The following U2SURP variants were observed in gnomAD, a reference collection of about 807,000 sequenced individuals.
U2SURP encodes the protein U2 snRNP associated SURP domain containing.
A neutral mutation model predicts 144.9 loss-of-function variants in U2SURP; 9 were observed. The ratio of observed to expected loss-of-function variants is 0.06; its 90% CI spans 0.04 to 0.11. The LOEUF (loss-of-function observed/expected upper bound fraction) is 0.11. U2SURP is among the 10% of genes least tolerant of loss of function. U2SURP has a pLI of 1.00. For missense variants in U2SURP, 724 were observed against 1,226.7 expected (o/e 0.59, Z 6.12); for synonymous variants, 408 against 396.8 (o/e 1.03, Z -0.33).
intron 2 of U2SURP, chr3:143,011,865 C>A (rs1401266339): frequency 4.6e-6 from 2 of 436,814 alleles, no homozygotes; most frequent in Non-Finnish European, 9.1e-6. Context: ...ATGAAACTAG[C>A]TGCTTTTTTC....
At chr3:143,021,991 T>C (rs540445769) in intron 10 of U2SURP, among the ~76,000 whole-genome samples, 1 of 152,334 alleles carries the variant, frequency 6.6e-6, no homozygotes, top group Admixed American at 6.5e-5. Context: ...GTATATAATA[T>C]GCTATTATTA....
At chr3:143,003,872 A>T (rs369079600) in intron 1 of U2SURP, among the ~76,000 whole-genome samples, 32 of 151,602 alleles carry the variant, frequency 2.1e-4, no homozygotes, top group African/African-American at 7.7e-4. Flanking sequence ...TTTGTATTTT[A>T]GTAGAGACGG....
chr3:143,008,620 C>G (rs928109553), intron 1 of U2SURP, among the ~76,000 whole-genome samples: 42 of 152,148 alleles, frequency 2.8e-4, no homozygotes, highest in African/African-American at 9.9e-4. Flanking sequence ...GGATTTTTCT[C>G]GAAGTTTTTG....
intron 1 of U2SURP, among the ~76,000 whole-genome samples, chr3:143,006,123 G>A (rs1184588508): frequency 6.6e-6 from 1 of 152,112 alleles, no homozygotes; most frequent in African/African-American, 2.4e-5. Flanking sequence ...TAAACTATAG[G>A]TTATTCAGAG....
chr3:143,010,049 T>C (rs1936043019), intron 1 of U2SURP, among the ~76,000 whole-genome samples: 1 of 152,214 alleles, frequency 6.6e-6, no homozygotes, highest in African/African-American at 2.4e-5. Flanking sequence ...AAGTAAAAAT[T>C]CTTGGAGAAT....
rs1169481959 is a variant in U2SURP at position 143,027,071 on chromosome 3, T to C, written c.1275-78T>C. ...GCAGAATAATCATTTTCTGCACAAT[T>C]ATAGTAACTTAGGTCAAGTGTAGTT... On this transcript the variant is annotated intron_variant, in intron 13 of 27. Coordinates refer to ENST00000473835, the MANE Select transcript of U2SURP (RefSeq NM_001080415.2). 3 of 1,106,558 alleles carry C rather than the reference T, an allele frequency of 2.7e-6. No individual in the cohort carries two copies. In the East Asian group the frequency reaches 7.2e-5, roughly 26 times the overall value. 68.5% of individuals were successfully genotyped at this position (1,106,558 alleles called of 1,614,324 possible). A position where few individuals can be genotyped will look rare whatever the true frequency, so the allele number is the denominator to read the frequency against.
chr3:143,047,249 G>T (rs1272482), intron 24 of U2SURP, among the ~76,000 whole-genome samples: 1 of 79,646 alleles, frequency 1.3e-5, no homozygotes, highest in East Asian at 4.0e-4. Flanking sequence ...CCTCCCGGAC[G>T]GGGCGGCCGG....
intron 19 of U2SURP, 109 bp downstream of exon 19, chr3:143,035,084 C>A: frequency 1.9e-6 from 1 of 528,084 alleles, no homozygotes. Flanking sequence ...AAATTTAAAA[C>A]TTAGATGTTA....
At chr3:143,044,289 C>CTTTTTTTTTTTTTTTTTTTTTTTTTTTT (rs56916268) in intron 24 of U2SURP, among the ~76,000 whole-genome samples, 2 of 81,388 alleles carry the variant, frequency 2.5e-5, no homozygotes, top group African/African-American at 5.8e-5. Context: ...CTCCCCTCTC[C>CTTTTTTTTTTTTTTTTTTTTTTTTTTTT]TTTTTTTTTT....
At chr3:143,053,825 A>C (rs765054167) in intron 26 of U2SURP, 31 bp downstream of exon 26, 1 of 1,515,026 alleles carries the variant, frequency 6.6e-7, no homozygotes, top group African/African-American at 1.4e-5. Context: ...AATTGCATAT[A>C]CTGGTTTCAA....
intron 27 of U2SURP, among the ~76,000 whole-genome samples, 198 bp from the exon 28 acceptor site, chr3:143,056,114 A>G (rs1033145822): frequency 1.3e-5 from 2 of 152,196 alleles, no homozygotes; most frequent in Admixed American, 6.5e-5. Flanking sequence ...ACTGATGATC[A>G]TTGATGCAGT....
intron 25 of U2SURP, among the ~76,000 whole-genome samples, chr3:143,052,016 A>T (rs990998981): frequency 1.3e-5 from 2 of 152,174 alleles, no homozygotes. Flanking sequence ...CACCAGAGGG[A>T]GTCAGTCTGC....
At chr3:143,050,344 A>T (rs1934790930) in intron 24 of U2SURP, among the ~76,000 whole-genome samples, 1 of 152,188 alleles carries the variant, frequency 6.6e-6, no homozygotes, top group African/African-American at 2.4e-5. Context: ...AAGTGCTGGG[A>T]TTACAGGCGT....
chr3:143,021,704 G>A (rs762445211), intron 10 of U2SURP, 149 bp downstream of exon 10: 1 of 706,822 alleles, frequency 1.4e-6, no homozygotes, highest in Non-Finnish European at 2.3e-6. Context: ...GGCCCAGGTT[G>A]TCTTGCCACA....
intron 1 of U2SURP, among the ~76,000 whole-genome samples, chr3:143,005,606 G>A (rs1256338203): frequency 2.0e-5 from 3 of 152,294 alleles, no homozygotes; most frequent in East Asian, 1.9e-4. Context: ...TGAACCTGCA[G>A]CACGGGTGCT....
At position 143,021,333 on chromosome 3, in the gene U2SURP, C is replaced by T. The variant is rs779351561; in HGVS notation, c.734-17C>T. On this transcript the variant is annotated splice_polypyrimidine_tract_variant and intron_variant, in intron 8 of 27. Coordinates refer to ENST00000473835, the MANE Select transcript of U2SURP (RefSeq NM_001080415.2). ...TATTATAAAAACTAATAATTGTCTTCTTTTCTCCCCTTTAAGTGGACGCGC... is the reference window on the plus strand; with the variant it reads ...TATTATAAAAACTAATAATTGTCTTTTTTTCTCCCCTTTAAGTGGACGCGC... 9 of 1,580,426 alleles carry T rather than the reference C, an allele frequency of 5.7e-6. No individual in the cohort carries two copies. Among genetic ancestry groups the T allele is most frequent in the Non-Finnish European group, 7.7e-6 (9 of 1,161,522 alleles).
intron 4 of U2SURP, 27 bp from the exon 5 acceptor site, chr3:143,016,230 A>C: frequency 6.3e-7 from 1 of 1,591,698 alleles, no homozygotes; most frequent in Non-Finnish European, 8.6e-7. Context: ...TGTATTGTGT[A>C]ATATTAATAT....
At chr3:143,011,797 TAAG>T (rs1211474687) in intron 2 of U2SURP, 2 of 306,052 alleles carry the variant, frequency 6.5e-6, no homozygotes, top group Non-Finnish European at 1.3e-5. Flanking sequence ...TGTGATAAAA[TAAG>T]AAGTACGTAT....
At chr3:143,039,679 TTTTGCGTTC>T (rs1474138997) in intron 23 of U2SURP, among the ~76,000 whole-genome samples, 1 of 151,366 alleles carries the variant, frequency 6.6e-6, no homozygotes, top group Admixed American at 6.6e-5. Context: ...TCTTTAAAAA[TTTTGCGTTC>T]TTCTATTCTC....
Sources: allele counts gnomAD v4.1 joint callset (sites outside exome capture counted in the v4.1 genomes callset), GRCh38; gene constraint gnomAD v4.1.1; transcripts MANE v1.5; gene names NCBI Gene and HGNC (gene_info 2026-07-23, HGNC 2026-07-21).